UBE2E3: variants seen among roughly 807,000 people sequenced by gnomAD.
UBE2E3 encodes ubiquitin conjugating enzyme E2 E3, also known as ubiquitin-conjugating enzyme E2 E3.
Under a neutral mutation model 23.6 loss-of-function variants are expected in UBE2E3, and 5 were observed. That is an observed-to-expected ratio of 0.21 (90% CI 0.11 to 0.44). The LOEUF is 0.44. Among genes scored for constraint, UBE2E3 ranks in the 20% least tolerant of loss-of-function variants. The pLI is 0.99. For synonymous variants in UBE2E3, 78 were observed against 87.5 expected, an observed-to-expected ratio of 0.89 and a Z score of 0.60; for missense variants, 81 against 249.8, an observed-to-expected ratio of 0.32 and a Z score of 4.55.
At chr2:181,030,171 G>A (rs62180157) in intron 3 of UBE2E3, among the ~76,000 whole-genome samples, 35,271 of 151,750 alleles carry the variant, frequency 0.23, 4,465 homozygotes, top group Non-Finnish European at 0.28. Context: ...TGTCTTTGGT[G>A]GTGGTGGTGG....
intron 3 of UBE2E3, among the ~76,000 whole-genome samples, chr2:181,031,950 G>A (rs1435365222): frequency 2.6e-5 from 4 of 151,792 alleles, no homozygotes; most frequent in African/African-American, 2.4e-5. Flanking sequence ...AAGTTTGTCC[G>A]GCTCACAAAT....
At chr2:181,024,918 A>C (rs1304892247) in intron 3 of UBE2E3, among the ~76,000 whole-genome samples, 2 of 152,020 alleles carry the variant, frequency 1.3e-5, no homozygotes, top group African/African-American at 4.8e-5. Context: ...GTATTACTAT[A>C]CTGCTTCACA....
chr2:180,995,555 T>A (rs540633657), intron 3 of UBE2E3, among the ~76,000 whole-genome samples: 13 of 152,140 alleles, frequency 8.5e-5, no homozygotes, highest in African/African-American at 3.1e-4. Context: ...TTTTTTCTAA[T>A]CTATAAGGTT....
At chr2:181,038,974 G>A (rs1686387391) in intron 3 of UBE2E3, among the ~76,000 whole-genome samples, 2 of 152,120 alleles carry the variant, frequency 1.3e-5, no homozygotes, top group South Asian at 4.1e-4. Context: ...CATTGAGAAG[G>A]CAAAATGGTA....
At chr2:181,024,717 C>A (rs981697796) in intron 3 of UBE2E3, among the ~76,000 whole-genome samples, 7 of 152,024 alleles carry the variant, frequency 4.6e-5, no homozygotes, top group African/African-American at 1.2e-4. Flanking sequence ...CATCTAGATT[C>A]TATCCTTGAG....
chr2:181,032,198 G>T (rs559793962), intron 3 of UBE2E3, among the ~76,000 whole-genome samples: 1 of 152,266 alleles, frequency 6.6e-6, no homozygotes, highest in East Asian at 1.9e-4. Flanking sequence ...TGTTGAAGTA[G>T]TGTGTTATGA....
At chr2:181,054,680 G>T (rs1240275348) in intron 3 of UBE2E3, among the ~76,000 whole-genome samples, 1 of 151,822 alleles carries the variant, frequency 6.6e-6, no homozygotes, top group African/African-American at 2.4e-5. Flanking sequence ...ACTGTTGCCT[G>T]CCTTGTTCTC....
chr2:181,017,390 G>T (rs531252259), intron 3 of UBE2E3, among the ~76,000 whole-genome samples: 1 of 152,214 alleles, frequency 6.6e-6, no homozygotes, highest in South Asian at 2.1e-4. Flanking sequence ...GGTTGGGATG[G>T]TAATTTTTGA....
intron 3 of UBE2E3, among the ~76,000 whole-genome samples, chr2:181,043,775 G>T (rs1686587961): frequency 6.6e-6 from 1 of 152,100 alleles, no homozygotes; most frequent in Non-Finnish European, 1.5e-5. Context: ...TTACTGGTGT[G>T]TATGTATAGT....
chr2:181,012,571 T>C (rs2105610180), intron 3 of UBE2E3, among the ~76,000 whole-genome samples: 1 of 152,260 alleles, frequency 6.6e-6, no homozygotes, highest in South Asian at 2.1e-4. Context: ...ACACAAGAGG[T>C]TTAACATGTA....
intron 3 of UBE2E3, among the ~76,000 whole-genome samples, chr2:181,000,699 C>T (rs552911701): frequency 6.0e-4 from 92 of 152,080 alleles, no homozygotes; most frequent in African/African-American, 1.8e-3. Context: ...GGACTACAGG[C>T]GCCCACCACC....
chr2:181,025,058 T>G (rs1685841423), intron 3 of UBE2E3, among the ~76,000 whole-genome samples: 1 of 152,000 alleles, frequency 6.6e-6, no homozygotes, highest in African/African-American at 2.4e-5. Context: ...GTGGCTTTAG[T>G]TAGCCACATG....
chr2:181,000,636 GCT>G (rs1684964058), intron 3 of UBE2E3, among the ~76,000 whole-genome samples: 1 of 150,528 alleles, frequency 6.6e-6, no homozygotes, highest in African/African-American at 2.5e-5. Context: ...CTCACTGCAA[GCT>G]CTGTCTCCCG....
At chr2:181,042,617 T>G (rs1456228066) in intron 3 of UBE2E3, among the ~76,000 whole-genome samples, 2 of 152,134 alleles carry the variant, frequency 1.3e-5, no homozygotes, top group African/African-American at 4.8e-5. Context: ...AGAATTCAGG[T>G]TCTGCCACGT....
chr2:180,998,564 T>C (rs1185949520), intron 3 of UBE2E3, among the ~76,000 whole-genome samples: 4 of 151,952 alleles, frequency 2.6e-5, no homozygotes, highest in African/African-American at 9.7e-5. Flanking sequence ...TAGTCATTTC[T>C]TAATCTAAGC....
chr2:181,034,636 C>T (rs1686209229), intron 3 of UBE2E3, among the ~76,000 whole-genome samples: 1 of 152,084 alleles, frequency 6.6e-6, no homozygotes, highest in African/African-American at 2.4e-5. Flanking sequence ...TGTAACGAAC[C>T]TGCACGTTGT....
intron 3 of UBE2E3, among the ~76,000 whole-genome samples, chr2:181,050,506 G>A (rs531207290): frequency 6.6e-6 from 1 of 151,980 alleles, no homozygotes; most frequent in African/African-American, 2.4e-5. Flanking sequence ...ATTATATGAA[G>A]CATTTAAAAG....
intron 3 of UBE2E3, among the ~76,000 whole-genome samples, chr2:180,997,436 C>T (rs72883536): frequency 0.23 from 35,243 of 151,694 alleles, 4,452 homozygotes; most frequent in Non-Finnish European, 0.28. Context: ...CATCTTCTTT[C>T]CTGATGTACT....
At chr2:181,010,811 CT>C (rs574359411) in intron 3 of UBE2E3, among the ~76,000 whole-genome samples, 492 of 142,816 alleles carry the variant, frequency 3.4e-3, no homozygotes, top group Admixed American at 4.0e-3. Flanking sequence ...ATATCCTCCT[CT>C]TTTTTTTTTT....
Sources: allele counts gnomAD v4.1 joint callset (sites outside exome capture counted in the v4.1 genomes callset), GRCh38; gene constraint gnomAD v4.1.1; transcripts MANE v1.5; gene names NCBI Gene and HGNC (gene_info 2026-07-23, HGNC 2026-07-21).